Variants in INTS2 observed in about 807,000 individuals in gnomAD.
The protein encoded by INTS2 is KIAA1287.
A neutral mutation model predicts 139.6 loss-of-function variants in INTS2; 57 were observed. That is an observed-to-expected ratio of 0.41 (90% CI 0.33 to 0.51). INTS2 has a LOEUF of 0.51. INTS2 is among the 20% of genes least tolerant of loss of function. INTS2 has a pLI of 0.28. For synonymous variants in INTS2, 473 were observed against 493.4 expected (o/e 0.96, Z 0.55); for missense variants, 1,196 against 1,436.7 (o/e 0.83, Z 2.71).
intron 3 of INTS2, among the ~76,000 whole-genome samples, chr17:61,924,079 T>C (rs2079682136): frequency 6.6e-6 from 1 of 152,202 alleles, no homozygotes; most frequent in Admixed American, 6.6e-5. Context: ...ATAACTTGAA[T>C]AGCTTTCATT....
At chr17:61,894,056 T>G in intron 12 of INTS2, 157 bp from the exon 13 acceptor site, 1 of 461,312 alleles carries the variant, frequency 2.2e-6, no homozygotes, top group Admixed American at 3.8e-5. Flanking sequence ...TGTCTTTGAA[T>G]GCTGAGGAAA....
Position 61,893,699 on chromosome 17 carries a change from G to GA in INTS2, c.1698+65dup, listed in dbSNP as rs1477974285. ...GACTGAGCAAGACTCCATCTCAAAA[G>GA]AAAAAAAATATATATATAAAAATGT... On this transcript the variant is annotated intron_variant, in intron 13 of 24. Coordinates refer to ENST00000251334, the MANE Select transcript of INTS2 (RefSeq NM_001351695.2). The surrounding 1 kb of genome is among the most constrained non-coding windows in gnomAD (Gnocchi z 5.4). 18 of 1,241,154 alleles carry GA rather than the reference G, an allele frequency of 1.5e-5. No individual in the cohort carries two copies. The highest frequency in any genetic ancestry group is 1.7e-5 in the Non-Finnish European group (16 of 953,118). 76.9% of individuals were successfully genotyped at this position (1,241,154 alleles called of 1,614,324 possible). A position where few individuals can be genotyped will look rare whatever the true frequency, so the allele number is the denominator to read the frequency against.
chr17:61,925,616 C>A (rs1391318767), intron 2 of INTS2, among the ~76,000 whole-genome samples: 1 of 151,586 alleles, frequency 6.6e-6, no homozygotes, highest in Non-Finnish European at 1.5e-5. Context: ...AAATACTCTA[C>A]CACAACTGAC....
Position 61,912,045 on chromosome 17 carries a change from T to TC in INTS2, c.674dup (p.Glu226ArgfsTer5). ...CAAGACTTTCTTCATCTTGTCGTTCTCCATTTTTTATCAGGCCCCTACAAA... is the reference window on the plus strand; with the variant it reads ...CAAGACTTTCTTCATCTTGTCGTTCTCCCATTTTTTATCAGGCCCCTACAAA... On this transcript the variant is annotated frameshift_variant, in exon 6 of 25. Coordinates refer to ENST00000251334, the MANE Select transcript of INTS2 (RefSeq NM_001351695.2). LOFTEE classifies it high-confidence loss of function. 6.2e-7 allele frequency: 1 copy of TC among 1,613,776 alleles called. No homozygotes were observed. The highest frequency in any genetic ancestry group is 8.5e-7 in the Non-Finnish European group (1 of 1,179,772).
At chr17:61,896,940 T>C (rs1385136424) in intron 11 of INTS2, among the ~76,000 whole-genome samples, 1 of 152,142 alleles carries the variant, frequency 6.6e-6, no homozygotes, top group Non-Finnish European at 1.5e-5. Flanking sequence ...ATCCAACAGG[T>C]GTATGAAGAG....
rs1603381691 is a variant in INTS2 at position 61,912,025 on chromosome 17, C to T, written c.695G>A (p.Ser232Asn). ...ATCTGTCCTGCGCCTTCCTCCAAGA[C>T]TTTCTTCATCTTGTCGTTCTCCATT... is the stretch of plus-strand genomic sequence containing the variant. ...IKNGERQDEESLGGRRRTDAL... is the reference protein window; with the variant it reads ...IKNGERQDEENLGGRRRTDAL... The change falls in exon 6 of 25, where the codon AGT (serine) becomes AAT (asparagine). Residue 232 changes from serine to asparagine, a missense_variant. This residue lies in a region of INTS2 where 1,129 missense variants were observed against 1,341.9 expected (regional missense o/e 0.84). Transcript: ENST00000251334. The T allele has an allele frequency of 1.2e-6, 2 of 1,613,838 alleles. No individual in the cohort carries two copies. The highest frequency in any genetic ancestry group is 4.5e-5 in the East Asian group (2 of 44,876).
chr17:61,911,814 G>C, intron 6 of INTS2, 121 bp from the exon 7 acceptor site: 1 of 1,414,528 alleles, frequency 7.1e-7, no homozygotes, highest in East Asian at 2.3e-5. Flanking sequence ...AAAACCCAGA[G>C]AGGAAGGTAA....
At chr17:61,910,377 C>A (rs1451323373) in intron 7 of INTS2, 1 of 152,148 alleles carries the variant, frequency 6.6e-6, no homozygotes, top group Non-Finnish European at 1.5e-5. Context: ...GGGTGGATCA[C>A]CTGATGTCAA....
Position 61,926,486 on chromosome 17 carries a change from G to A in INTS2, c.159C>T (p.Ser53=), listed in dbSNP as rs2079715459. Reference sequence around the variant, plus strand: ...GTTTCTTATCCTGAGCCCAGCTTTGGCTCTGGTCAGCAGGTGCACAAAGTG... The same window carrying A: ...GTTTCTTATCCTGAGCCCAGCTTTGACTCTGGTCAGCAGGTGCACAAAGTG... The part of the protein sequence containing the change: ...RMALCAPADQ[S]QSWAQDKKLI... The change falls in exon 2 of 25, where the codon AGC becomes AGT. Residue 53 remains serine, a synonymous_variant. Transcript: ENST00000251334. 3.1e-6 allele frequency: 5 copies of A among 1,614,038 alleles called. No homozygotes were observed. Among genetic ancestry groups the A allele is most frequent in the Admixed American group, 3.3e-5 (2 of 60,024 alleles).
intron 9 of INTS2, among the ~76,000 whole-genome samples, chr17:61,900,934 C>T (rs1260507957): frequency 6.6e-6 from 1 of 152,042 alleles, no homozygotes. Flanking sequence ...CCATGGGCAA[C>T]AAGAGCAAAA....
Position 61,912,374 on chromosome 17 carries a change from G to C in INTS2, c.650-304C>G, listed in dbSNP as rs1229064279. On this transcript the variant is annotated intron_variant, in intron 5 of 24. Transcript: ENST00000251334. ...AACTCTGGGAGGCCAAGGTGGGGGC[G>C]GGGGGGGGGGGGGTGCGGGGCATGG... Among the ~76,000 whole-genome samples the C allele has an allele frequency of 1.2e-3, 3 of 2,486 alleles. No individual in the cohort carries two copies. The East Asian group carries it at 0.071, about 59-fold the overall frequency. The allele number at this position is 2,486 out of a possible 152,430, so 1.6% of individuals were successfully genotyped here. A position where few individuals can be genotyped will look rare whatever the true frequency, so the allele number is the denominator to read the frequency against.
At chr17:61,896,750 A>G (rs189461314) in intron 11 of INTS2, among the ~76,000 whole-genome samples, 1 of 152,342 alleles carries the variant, frequency 6.6e-6, no homozygotes, top group African/African-American at 2.4e-5. Context: ...AAAGATTAAA[A>G]AAAAATAGTA....
At chr17:61,906,124 G>C (rs191532017) in intron 8 of INTS2, among the ~76,000 whole-genome samples, 1 of 152,170 alleles carries the variant, frequency 6.6e-6, no homozygotes, top group Non-Finnish European at 1.5e-5. Flanking sequence ...AATACAGGTT[G>C]AGTAACCCCA....
Position 61,880,990 on chromosome 17 carries a change from TC to T in INTS2, c.2254+16del, listed in dbSNP as rs2145912745. ...TACTACAAAAGGGGTTAAAGGAGTA[TC>T]AATAATTTACTATACCTTCTTGGAG... On this transcript the variant is annotated intron_variant, in intron 17 of 24. Transcript: ENST00000251334. The T allele has an allele frequency of 1.3e-6, 2 of 1,598,694 alleles. No homozygotes were observed. The highest frequency in any genetic ancestry group is 8.6e-7 in the Non-Finnish European group (1 of 1,166,618).
rs370608380 is a variant in INTS2, at chr17:61,893,923, T to A, written c.1564-24A>T. 1.0e-5 allele frequency: 15 copies of A among 1,500,700 alleles called. No individual in the cohort carries two copies. The highest frequency in any genetic ancestry group is 1.4e-5 in the African/African-American group (1 of 71,870). The allele number at this position is 1,500,700 out of a possible 1,614,324, so 93.0% of individuals were successfully genotyped here. On this transcript the variant is annotated intron_variant, in intron 12 of 24. Transcript: ENST00000251334. The surrounding 1 kb of genome is among the most constrained non-coding windows in gnomAD (Gnocchi z 5.4). Reference sequence around the variant, plus strand: ...ACCTAAAAGGGAAAAATAGCATTAGTAATATAATAGAACTAAATATAAAAT... The same window carrying A: ...ACCTAAAAGGGAAAAATAGCATTAGAAATATAATAGAACTAAATATAAAAT...
chr17:61,916,781 A>G (rs2143141523), intron 5 of INTS2, among the ~76,000 whole-genome samples: 1 of 152,348 alleles, frequency 6.6e-6, no homozygotes, highest in East Asian at 1.9e-4. Context: ...ATTGCAATGA[A>G]AACAAAAATT....
intron 1 of INTS2, among the ~76,000 whole-genome samples, chr17:61,926,919 A>G (rs757335273): frequency 1.2e-4 from 18 of 152,218 alleles, no homozygotes; most frequent in Non-Finnish European, 2.4e-4. Context: ...TTTTACAAAG[A>G]AGGAATATGA....
At position 61,915,781 on chromosome 17, in the gene INTS2, G is replaced by C. The variant is rs545161841; in HGVS notation, c.649+3619C>G. ...GGAGGCAGAGCTTGCAGTGAGCCGAGATTGTGCCACTGGGCGACAGAGCAA... is the reference window on the plus strand; with the variant it reads ...GGAGGCAGAGCTTGCAGTGAGCCGACATTGTGCCACTGGGCGACAGAGCAA... On this transcript the variant is annotated intron_variant, in intron 5 of 24. Coordinates refer to ENST00000251334, the MANE Select transcript of INTS2 (RefSeq NM_001351695.2). Among the ~76,000 whole-genome samples, 12 of 128,490 alleles carry C rather than the reference G, an allele frequency of 9.3e-5. No homozygotes were observed. In the East Asian group the frequency reaches 2.8e-3, roughly 31 times the overall value. The allele number at this position is 128,490 out of a possible 152,430, so 84.3% of individuals were successfully genotyped here. A position where few individuals can be genotyped will look rare whatever the true frequency, so the allele number is the denominator to read the frequency against.
At chr17:61,913,299 C>A (rs537619239) in intron 5 of INTS2, among the ~76,000 whole-genome samples, 3 of 150,838 alleles carry the variant, frequency 2.0e-5, no homozygotes, top group African/African-American at 7.3e-5. Context: ...CGAGCTCATG[C>A]CACTGCACTC....
Sources: gnomAD v4.1 joint callset for allele counts (sites outside exome capture counted in the v4.1 genomes callset) on GRCh38, gnomAD v4.1.1 for gene constraint, gnomAD v4.1.1 regional missense constraint, Gnocchi (gnomAD v3.1) non-coding constraint, MANE v1.5 for transcripts, NCBI Gene and HGNC (gene_info 2026-07-23, HGNC 2026-07-21) for gene names.